Variants in EXOC6 observed in about 807,000 individuals in gnomAD.
EXOC6 encodes exocyst complex component 6.
In EXOC6, 60 loss-of-function variants were observed where a neutral mutation model predicts 112.5. That is an observed-to-expected ratio of 0.53 (90% CI 0.43 to 0.66). The LOEUF (loss-of-function observed/expected upper bound fraction) is 0.66, where lower values mean the gene tolerates loss of function less well. Among genes scored for constraint, EXOC6 ranks in the 30% least tolerant of loss-of-function variants. EXOC6 has a pLI of 0.00. For synonymous variants in EXOC6, 295 were observed against 308.0 expected, an observed-to-expected ratio of 0.96 and a Z score of 0.44; for missense variants, 855 against 957.1, an observed-to-expected ratio of 0.89 and a Z score of 1.41.
chr10:93,047,931 G>A (rs1846080207), intron 20 of EXOC6, among the ~76,000 whole-genome samples: 1 of 152,144 alleles, frequency 6.6e-6, no homozygotes, highest in Admixed American at 6.5e-5. Context: ...GGTGGACAGA[G>A]CAAGACTCCA....
At chr10:93,050,291 C>G in intron 20 of EXOC6, among the ~76,000 whole-genome samples, 1 of 152,308 alleles carries the variant, frequency 6.6e-6, no homozygotes, top group Non-Finnish European at 1.5e-5. Context: ...TGGCTCACAC[C>G]TGTAATCCCA....
chr10:92,884,839 A>G (rs1849133790), intron 1 of EXOC6, among the ~76,000 whole-genome samples: 1 of 152,168 alleles, frequency 6.6e-6, no homozygotes, highest in Non-Finnish European at 1.5e-5. Flanking sequence ...TCACAATAAT[A>G]CATCGTGAAT....
chr10:93,041,693 C>T (rs1008351755), intron 20 of EXOC6, among the ~76,000 whole-genome samples: 4 of 151,926 alleles, frequency 2.6e-5, no homozygotes, highest in African/African-American at 4.8e-5. Flanking sequence ...GGATTACAGG[C>T]GTGAGCCACC....
chr10:92,927,629 G>A (rs906864958), intron 8 of EXOC6, among the ~76,000 whole-genome samples: 2 of 152,192 alleles, frequency 1.3e-5, no homozygotes, highest in African/African-American at 4.8e-5. Context: ...CACAGACATA[G>A]TAAACGTTCA....
chr10:92,933,672 C>T, intron 9 of EXOC6, among the ~76,000 whole-genome samples: 1 of 151,992 alleles, frequency 6.6e-6, no homozygotes, highest in Non-Finnish European at 1.5e-5. Flanking sequence ...TTTCTATATG[C>T]CTTGTTAAAA....
intron 17 of EXOC6, among the ~76,000 whole-genome samples, 167 bp downstream of exon 17, chr10:92,955,881 T>C (rs1349793375): frequency 6.6e-6 from 1 of 152,170 alleles, no homozygotes; most frequent in African/African-American, 2.4e-5. Flanking sequence ...TTTTTGGCAC[T>C]GTAAACATCT....
intron 1 of EXOC6, among the ~76,000 whole-genome samples, chr10:92,890,062 G>A (rs982313895): frequency 2.6e-5 from 4 of 152,202 alleles, no homozygotes; most frequent in Admixed American, 6.6e-5. Context: ...AAGTTGGGAA[G>A]AACTGATACC....
intron 8 of EXOC6, among the ~76,000 whole-genome samples, chr10:92,924,409 C>A (rs938125622): frequency 1.3e-5 from 2 of 152,158 alleles, no homozygotes; most frequent in Non-Finnish European, 2.9e-5. Flanking sequence ...TTTTAAGTTA[C>A]ACTGGCTAAC....
intron 1 of EXOC6, among the ~76,000 whole-genome samples, chr10:92,880,892 TA>T (rs1194827862): frequency 6.6e-6 from 1 of 152,224 alleles, no homozygotes; most frequent in African/African-American, 2.4e-5. Context: ...GGAAATATTT[TA>T]AGTTTAATAC....
At chr10:93,041,170 A>AT (rs1490167832) in intron 20 of EXOC6, among the ~76,000 whole-genome samples, 7 of 151,804 alleles carry the variant, frequency 4.6e-5, no homozygotes, top group African/African-American at 1.7e-4. Flanking sequence ...CGTCCTAGGG[A>AT]TTTTTTTCTC....
At chr10:92,920,677 T>C (rs1030913362) in intron 8 of EXOC6, among the ~76,000 whole-genome samples, 1 of 152,238 alleles carries the variant, frequency 6.6e-6, no homozygotes, top group Non-Finnish European at 1.5e-5. Context: ...TTATTGAAAG[T>C]AGAAGTATTG....
chr10:92,976,690 A>AG lies in EXOC6; in HGVS notation c.1953+2458_1953+2459insG, dbSNP rs1461244448. Reference sequence around the variant, plus strand: ...AAAAATAATAAATTAAAAAAAAAAAAACATAATTAATGGCTTTTCCAGTTA... The same window carrying AG: ...AAAAATAATAAATTAAAAAAAAAAAAGACATAATTAATGGCTTTTCCAGTTA... On this transcript the variant is annotated intron_variant, in intron 18 of 21. Transcript: ENST00000260762. Among the ~76,000 whole-genome samples the AG allele has an allele frequency of 8.9e-4, 136 of 152,084 alleles. 1 individual carries two copies. Among genetic ancestry groups the AG allele is most frequent in the Admixed American group, 6.4e-3 (98 of 15,284 alleles).
intron 18 of EXOC6, among the ~76,000 whole-genome samples, chr10:92,974,690 C>T (rs955616946): frequency 9.2e-5 from 14 of 152,322 alleles, no homozygotes; most frequent in African/African-American, 2.6e-4. Flanking sequence ...CTCAGCCTGC[C>T]GAGTGCCTGC....
chr10:92,874,936 A>G (rs1227478287), intron 1 of EXOC6, among the ~76,000 whole-genome samples: 1 of 152,198 alleles, frequency 6.6e-6, no homozygotes, highest in Non-Finnish European at 1.5e-5. Context: ...CTGAGAGTGT[A>G]TCAGATTGTA....
intron 18 of EXOC6, among the ~76,000 whole-genome samples, chr10:92,991,707 AAG>A (rs537656485): frequency 5.2e-4 from 77 of 147,732 alleles, no homozygotes; most frequent in Admixed American, 2.9e-3. Flanking sequence ...TTTCAACTTT[AAG>A]ATGATCACGT....
In EXOC6 at chr10:93,058,454, A is replaced by G. The variant is rs1384063840; in HGVS notation, c.*99A>G. 4 of 1,000,568 alleles carry G rather than the reference A, an allele frequency of 4.0e-6. No individual in the cohort carries two copies. The highest frequency in any genetic ancestry group is 6.6e-5 in the Admixed American group (2 of 30,324). 62.0% of individuals were successfully genotyped at this position (1,000,568 alleles called of 1,614,324 possible). A position where few individuals can be genotyped will look rare whatever the true frequency, so the allele number is the denominator to read the frequency against. On this transcript the variant is annotated 3_prime_UTR_variant, in exon 22 of 22. Transcript: ENST00000260762. ...TACAGTAATTTGTTTACAGAATCCA[A>G]AAATACAATAGAGAAGATACATGAG...
chr10:92,974,257 T>G, intron 18 of EXOC6, 25 bp downstream of exon 18: 2 of 1,478,556 alleles, frequency 1.4e-6, no homozygotes, highest in Non-Finnish European at 1.8e-6. Flanking sequence ...TTTCAAAAAT[T>G]GTTTTATGTT....
At chr10:92,975,262 C>G (rs564916070) in intron 18 of EXOC6, among the ~76,000 whole-genome samples, 1 of 151,678 alleles carries the variant, frequency 6.6e-6, no homozygotes, top group Non-Finnish European at 1.5e-5. Context: ...GCCGCGACCC[C>G]GTCTGGGAGG....
At chr10:92,937,582 T>G (rs1249141746) in intron 12 of EXOC6, among the ~76,000 whole-genome samples, 1 of 152,168 alleles carries the variant, frequency 6.6e-6, no homozygotes, top group Non-Finnish European at 1.5e-5. Flanking sequence ...TATATATTAA[T>G]TTGTATGGCT....
Sources: gnomAD v4.1 joint callset for allele counts (sites outside exome capture counted in the v4.1 genomes callset) on GRCh38, gnomAD v4.1.1 for gene constraint, MANE v1.5 for transcripts, NCBI Gene and HGNC (gene_info 2026-07-23, HGNC 2026-07-21) for gene names.